Variants in LDLRAD4 observed in about 807,000 individuals in gnomAD.
The protein encoded by LDLRAD4 is low density lipoprotein receptor class A domain containing 4, also known as low-density lipoprotein receptor class A domain-containing protein 4.
A neutral mutation model predicts 17.0 loss-of-function variants in LDLRAD4; 5 were observed. The observed-to-expected ratio is 0.29, with a 90% CI of 0.15 to 0.62. The LOEUF is 0.62. Ranked by LOEUF, LDLRAD4 falls within the 20% of genes least tolerant of loss-of-function variation. The probability of loss-of-function intolerance (pLI) is 0.84; values close to 1 mark genes in which losing one functional copy is unlikely to be tolerated. For missense variants in LDLRAD4, 340 were observed against 424.7 expected (o/e 0.80, Z 1.75); for synonymous variants, 168 against 171.8 (o/e 0.98, Z 0.17).
chr18:13,585,110 C>T (rs2094916856), intron 3 of LDLRAD4, among the ~76,000 whole-genome samples: 1 of 152,190 alleles, frequency 6.6e-6, no homozygotes, highest in South Asian at 2.1e-4. Flanking sequence ...CGTGTCTGGC[C>T]CCATTGCCGA....
intron 3 of LDLRAD4, among the ~76,000 whole-genome samples, chr18:13,531,434 A>AC (rs1188492171): frequency 1.0e-5 from 1 of 96,714 alleles, no homozygotes; most frequent in East Asian, 3.0e-4. Flanking sequence ...ACATAGTGAG[A>AC]CCCCATATCT....
At chr18:13,347,567 G>A (rs948917555) in intron 1 of LDLRAD4, among the ~76,000 whole-genome samples, 64 of 152,042 alleles carry the variant, frequency 4.2e-4, no homozygotes, top group Admixed American at 1.2e-3. Context: ...TGCTCTTCTC[G>A]AGGAGTATCT....
chr18:13,492,189 A>G (rs1345482894), intron 3 of LDLRAD4, among the ~76,000 whole-genome samples: 1 of 152,162 alleles, frequency 6.6e-6, no homozygotes, highest in Non-Finnish European at 1.5e-5. Context: ...AATGGCCAGG[A>G]CACCATCAGG....
intron 3 of LDLRAD4, among the ~76,000 whole-genome samples, chr18:13,485,036 A>G (rs974298173): frequency 6.6e-6 from 1 of 152,208 alleles, no homozygotes; most frequent in Non-Finnish European, 1.5e-5. Context: ...ATTTGGAGAA[A>G]TATTCTGCAG....
At chr18:13,579,802 A>T (rs373310982) in intron 3 of LDLRAD4, among the ~76,000 whole-genome samples, 1 of 152,212 alleles carries the variant, frequency 6.6e-6, no homozygotes, top group East Asian at 1.9e-4. Flanking sequence ...TTTCCTGTGG[A>T]AAAACTAGTG....
intron 3 of LDLRAD4, among the ~76,000 whole-genome samples, chr18:13,546,135 C>T (rs371787115): frequency 6.6e-6 from 1 of 152,098 alleles, no homozygotes; most frequent in East Asian, 1.9e-4. Context: ...AAGTCAACAA[C>T]AGTTGAGGCA....
intron 1 of LDLRAD4, among the ~76,000 whole-genome samples, chr18:13,266,525 C>T (rs1306914033): frequency 6.6e-6 from 1 of 152,228 alleles, no homozygotes; most frequent in East Asian, 1.9e-4. Context: ...CCGAGGGTCT[C>T]TGGTGGCTGC....
intron 3 of LDLRAD4, among the ~76,000 whole-genome samples, chr18:13,446,082 C>A (rs1242743831): frequency 6.6e-6 from 1 of 152,234 alleles, no homozygotes; most frequent in Non-Finnish European, 1.5e-5. Context: ...GGAGGGTCCA[C>A]TGCTTCCTGG....
At chr18:13,309,781 T>TC (rs2047125685) in intron 1 of LDLRAD4, among the ~76,000 whole-genome samples, 1 of 152,030 alleles carries the variant, frequency 6.6e-6, no homozygotes, top group South Asian at 2.1e-4. Flanking sequence ...GAGAGGGCCT[T>TC]CAGTGACTGT....
chr18:13,534,295 C>G (rs1397832108), intron 3 of LDLRAD4, among the ~76,000 whole-genome samples: 1 of 152,152 alleles, frequency 6.6e-6, no homozygotes, highest in Non-Finnish European at 1.5e-5. Context: ...TGGTATTTGG[C>G]CTTCTTGGAG....
At chr18:13,613,090 TC>T (rs2039755864) in intron 3 of LDLRAD4, 1 of 213,054 alleles carries the variant, frequency 4.7e-6, no homozygotes, top group Non-Finnish European at 9.3e-6. Flanking sequence ...GGCTGAGACC[TC>T]CCCTGGAAAT....
intron 3 of LDLRAD4, among the ~76,000 whole-genome samples, chr18:13,442,807 C>T (rs1224591859): frequency 6.6e-6 from 1 of 152,214 alleles, no homozygotes; most frequent in African/African-American, 2.4e-5. Context: ...GTGCCACGCC[C>T]TCCGAAAGCC....
chr18:13,473,215 GTCT>G (rs1266758187), intron 3 of LDLRAD4, among the ~76,000 whole-genome samples: 8 of 152,202 alleles, frequency 5.3e-5, no homozygotes, highest in Non-Finnish European at 1.0e-4. Context: ...TTAAAAATGT[GTCT>G]TCTTCTTGCC....
At position 13,531,683 on chromosome 18, in the gene LDLRAD4, C is replaced by T. The variant is rs995388332; in HGVS notation, c.182-89434C>T. On this transcript the variant is annotated intron_variant, in intron 3 of 5. Coordinates refer to ENST00000359446, the Ensembl canonical transcript of LDLRAD4. Reference sequence around the variant, plus strand: ...TCTGGTCTGAGGTAGGAGGAAGGCACAATTCCTGGTGCTCAGAGATCTGCT... The same window carrying T: ...TCTGGTCTGAGGTAGGAGGAAGGCATAATTCCTGGTGCTCAGAGATCTGCT... Among the ~76,000 whole-genome samples the T allele has an allele frequency of 1.7e-4, 25 of 150,134 alleles. 1 individual carries two copies. Among genetic ancestry groups the T allele is most frequent in the Admixed American group, 5.3e-4 (8 of 14,962 alleles).
intron 3 of LDLRAD4, among the ~76,000 whole-genome samples, chr18:13,598,877 C>T (rs1282898713): frequency 2.0e-5 from 3 of 152,204 alleles, no homozygotes; most frequent in Non-Finnish European, 4.4e-5. Flanking sequence ...ATGGGCAGGA[C>T]ACTGGGTAGA....
chr18:13,560,850 G>T (rs879276332), intron 3 of LDLRAD4, among the ~76,000 whole-genome samples: 1 of 152,220 alleles, frequency 6.6e-6, no homozygotes, highest in Admixed American at 6.5e-5. Flanking sequence ...GCAGACCTGC[G>T]GTTGAAATGA....
chr18:13,349,350 T>C (rs974419795), intron 1 of LDLRAD4, among the ~76,000 whole-genome samples: 3 of 152,272 alleles, frequency 2.0e-5, no homozygotes, highest in Non-Finnish European at 4.4e-5. Context: ...TCCATTAATA[T>C]GCACTTATGA....
chr18:13,649,901 T>C (rs2043174141), exon 6 of LDLRAD4: 1 of 396,890 alleles, frequency 2.5e-6, no homozygotes, highest in Non-Finnish European at 4.4e-6. Flanking sequence ...GAATGCCGCG[T>C]GCTTGGCCTA....
intron 1 of LDLRAD4, among the ~76,000 whole-genome samples, chr18:13,372,954 G>C (rs538513801): frequency 1.3e-5 from 2 of 152,212 alleles, no homozygotes; most frequent in Non-Finnish European, 2.9e-5. Context: ...CTCCAGTTGC[G>C]TCTTCATGTA....
Sources: gnomAD v4.1 joint callset for allele counts (sites outside exome capture counted in the v4.1 genomes callset) on GRCh38, gnomAD v4.1.1 for gene constraint, MANE v1.5 for transcripts, NCBI Gene and HGNC (gene_info 2026-07-23, HGNC 2026-07-21) for gene names.